Variants in VEGFA observed in about 807,000 individuals in gnomAD.
VEGFA encodes the protein vascular endothelial growth factor A.
In VEGFA, 20 loss-of-function variants were observed where a neutral mutation model predicts 49.7. The observed-to-expected ratio is 0.40, with a 90% CI of 0.28 to 0.58. The LOEUF (loss-of-function observed/expected upper bound fraction) is 0.58. Ranked by LOEUF, VEGFA falls within the 20% of genes least tolerant of loss-of-function variation. The pLI is 0.40. For missense variants in VEGFA, 505 were observed against 553.5 expected, an observed-to-expected ratio of 0.91 and a Z score of 0.88; for synonymous variants, 219 against 223.4, an observed-to-expected ratio of 0.98 and a Z score of 0.18.
rs568779287 is a variant in VEGFA, at chr6:43,777,434, C to G, written c.659-35C>G. On this transcript the variant is annotated intron_variant, in intron 2 of 7. Coordinates refer to ENST00000672860, the MANE Select transcript of VEGFA (RefSeq NM_003376.6). The surrounding 1 kb of genome is among the most constrained non-coding windows in gnomAD (Gnocchi z 4.3). ...GAGGGGCTAGCCATCTTTTGTGTCG[C>G]CCACCGGGCTCATGTGTCATCGCCT... 118 of 1,612,174 alleles carry G rather than the reference C, an allele frequency of 7.3e-5. 2 individuals carry two copies. The South Asian group carries it at 1.3e-3, about 17-fold the overall frequency.
chr6:43,782,211 C>T (rs1230119480), intron 7 of VEGFA, 124 bp downstream of exon 7: 4 of 1,391,018 alleles, frequency 2.9e-6, no homozygotes, highest in Non-Finnish European at 3.9e-6. Context: ...GCTGCTTGCT[C>T]AGTTTCTAGC....
In VEGFA at chr6:43,785,976, T is replaced by C. The variant is rs936146834; in HGVS notation, c.*1414T>C. ...AAAATTCATGTTTCCAATCTCTCTC[T>C]CCCTGATCGGTGACAGTCACTAGCT... On this transcript the variant is annotated 3_prime_UTR_variant, in exon 8 of 8. Transcript: ENST00000672860. The C allele has an allele frequency of 5.5e-6, 1 of 181,074 alleles. No individual in the cohort carries two copies. The highest frequency in any genetic ancestry group is 1.2e-5 in the Non-Finnish European group (1 of 85,030). 11.2% of individuals were successfully genotyped at this position (181,074 alleles called of 1,614,324 possible).
At chr6:43,781,282 G>A (rs1289518479) in intron 6 of VEGFA, 3 of 310,820 alleles carry the variant, frequency 9.7e-6, no homozygotes, top group Admixed American at 9.4e-5. Flanking sequence ...GCTTGGGTGG[G>A]ATCAGACACC....
In VEGFA at chr6:43,770,389, CA is replaced by C. The variant is rs911281087; in HGVS notation, c.-317del. 1.9e-5 allele frequency: 7 copies of C among 372,314 alleles called. No homozygotes were observed. In the Admixed American group the frequency reaches 1.9e-4, roughly 10 times the overall value. 23.1% of individuals were successfully genotyped at this position (372,314 alleles called of 1,614,324 possible). A position where few individuals can be genotyped will look rare whatever the true frequency, so the allele number is the denominator to read the frequency against. On this transcript the variant is annotated 5_prime_UTR_variant, in exon 1 of 8. Coordinates refer to ENST00000672860, the MANE Select transcript of VEGFA (RefSeq NM_003376.6). ...TTTATCCCTCTTCTTTTTTCTTAAACATTTTTTTTTAAAACTGTATTGTTTC... is the reference window on the plus strand; with the variant it reads ...TTTATCCCTCTTCTTTTTTCTTAAACTTTTTTTTTAAAACTGTATTGTTTC...
At chr6:43,781,850 G>C (rs1767889767) in intron 6 of VEGFA, 106 bp from the exon 7 acceptor site, 2 of 1,474,882 alleles carry the variant, frequency 1.4e-6, no homozygotes, top group Non-Finnish European at 1.9e-6. Flanking sequence ...GACCGGCTGG[G>C]TGGGGGTGCA....
chr6:43,781,058 C>G (rs3025018), intron 6 of VEGFA: 59,100 of 848,848 alleles, frequency 0.07, 2,512 homozygotes, highest in East Asian at 0.084. Flanking sequence ...GGGAGGGGAC[C>G]CTGGCTTGGC....
chr6:43,771,085 G>T lies in VEGFA; in HGVS notation c.379G>T (p.Ala127Ser). ...ATGGACGGGTGAGGCGGCGGTGTGCGCAGACAGTGCTCCAGCCGCGCGCGC... is the reference window on the plus strand; with the variant it reads ...ATGGACGGGTGAGGCGGCGGTGTGCTCAGACAGTGCTCCAGCCGCGCGCGC... Residue 127 changes from alanine to serine, a missense_variant, in exon 1 of 8, where the codon GCA becomes TCA. Transcript: ENST00000672860. 2 of 1,486,984 alleles carry T rather than the reference G, an allele frequency of 1.3e-6. No individual in the cohort carries two copies. Among genetic ancestry groups the T allele is most frequent in the Non-Finnish European group, 1.8e-6 (2 of 1,120,560 alleles). 92.1% of individuals were successfully genotyped at this position (1,486,984 alleles called of 1,614,324 possible).
intron 7 of VEGFA, chr6:43,783,751 C>T (rs1194042369): frequency 6.6e-6 from 1 of 152,446 alleles, no homozygotes; most frequent in African/African-American, 2.4e-5. Flanking sequence ...TCACAATCAC[C>T]CAGGGGCAGG....
intron 2 of VEGFA, chr6:43,775,828 C>T (rs1765222769): frequency 6.6e-6 from 1 of 152,216 alleles, no homozygotes; most frequent in South Asian, 2.1e-4. Flanking sequence ...ATAGAGACCT[C>T]ACAGGAAGCA....
At chr6:43,776,418 A>C (rs1162425425) in intron 2 of VEGFA, 1 of 152,182 alleles carries the variant, frequency 6.6e-6, no homozygotes, top group Non-Finnish European at 1.5e-5. Context: ...AGAGTCCTGC[A>C]TTTATTTATT....
At position 43,777,791 on chromosome 6, in the gene VEGFA, G is replaced by A; in HGVS notation, c.855+126G>A. ...CTGGCTCCTGCCCCTGAGTTGCACA[G>A]GGGAGGTATGGTGGGGTCTTGCCTT... On this transcript the variant is annotated intron_variant, in intron 3 of 7. Transcript: ENST00000672860. The surrounding 1 kb of genome is among the most constrained non-coding windows in gnomAD (Gnocchi z 4.3). The A allele has an allele frequency of 9.7e-7, 1 of 1,027,472 alleles. No homozygotes were observed. The highest frequency in any genetic ancestry group is 1.4e-6 in the Non-Finnish European group (1 of 707,740). The allele number at this position is 1,027,472 out of a possible 1,614,324, so 63.6% of individuals were successfully genotyped here.
At chr6:43,784,516 A>G (rs1769103859) in intron 7 of VEGFA, 25 bp from the exon 8 acceptor site, 1 of 1,613,690 alleles carries the variant, frequency 6.2e-7, no homozygotes. Flanking sequence ...CCCTAACCCC[A>G]GCCTTTGTTT....
rs762001063 is a variant in VEGFA at position 43,784,613 on chromosome 6, C to T, written c.*51C>T. 6.8e-6 allele frequency: 11 copies of T among 1,614,074 alleles called. No individual in the cohort carries two copies. In the Admixed American group the frequency reaches 1.8e-4, roughly 27 times the overall value. ...TCAGGGTTTCGGGAACCAGATCTCT[C>T]ACCAGGAAAGACTGATACAGAACGA... On this transcript the variant is annotated 3_prime_UTR_variant, in exon 8 of 8. Transcript: ENST00000672860.
In VEGFA at chr6:43,774,580, T is replaced by C. The variant is rs188789444; in HGVS notation, c.658+188T>C. 6.9e-5 allele frequency: 47 copies of C among 682,804 alleles called. No individual in the cohort carries two copies. The East Asian group carries it at 1.3e-3, about 18-fold the overall frequency. 42.3% of individuals were successfully genotyped at this position (682,804 alleles called of 1,614,324 possible). Reference sequence around the variant, plus strand: ...TCGTGAGGACTCTCCGCTGTTCAGGTCTCTGCTAGAAGTAGGACTTGTTGC... The same window carrying C: ...TCGTGAGGACTCTCCGCTGTTCAGGCCTCTGCTAGAAGTAGGACTTGTTGC... On this transcript the variant is annotated intron_variant, in intron 2 of 7. Transcript: ENST00000672860.
At position 43,777,557 on chromosome 6, in the gene VEGFA, C is replaced by T. The variant is rs747049684; in HGVS notation, c.747C>T (p.Ile249=). 1.7e-5 allele frequency: 27 copies of T among 1,614,052 alleles called. No homozygotes were observed. The highest frequency in any genetic ancestry group is 1.6e-4 in the Middle Eastern group (1 of 6,082). Reference sequence around the variant, plus strand: ...TCTTCCAGGAGTACCCTGATGAGATCGAGTACATCTTCAAGCCATCCTGTG... The same window carrying T: ...TCTTCCAGGAGTACCCTGATGAGATTGAGTACATCTTCAAGCCATCCTGTG... Residue 249 remains isoleucine, a synonymous_variant, in exon 3 of 8, where the codon ATC becomes ATT. Transcript: ENST00000672860. The surrounding 1 kb of genome is among the most constrained non-coding windows in gnomAD (Gnocchi z 4.3).
intron 6 of VEGFA, 195 bp downstream of exon 6, chr6:43,780,998 T>A: frequency 7.1e-7 from 1 of 1,403,830 alleles, no homozygotes; most frequent in South Asian, 1.2e-5. Flanking sequence ...GTGGCATTGC[T>A]GGTCCAGGGT....
intron 5 of VEGFA, chr6:43,780,505 G>A (rs1767145285): frequency 1.7e-6 from 1 of 597,520 alleles, no homozygotes; most frequent in African/African-American, 1.9e-5. Context: ...ATCCCATGGT[G>A]GGCAGCGTGA....
chr6:43,778,809 A>G (rs1766331015), intron 4 of VEGFA, 80 bp from the exon 5 acceptor site: 1 of 1,478,118 alleles, frequency 6.8e-7, no homozygotes, highest in Admixed American at 1.7e-5. Context: ...TGTGATTATT[A>G]TTGTTGTTAT....
intron 5 of VEGFA, 178 bp downstream of exon 5, chr6:43,779,096 G>A: frequency 1.3e-6 from 1 of 753,964 alleles, no homozygotes; most frequent in Non-Finnish European, 2.3e-6. Context: ...GATGGCTCTA[G>A]GGCTAGTGAG....
Sources: allele counts gnomAD v4.1 joint callset, GRCh38; gene constraint gnomAD v4.1.1; non-coding constraint Gnocchi (gnomAD v3.1); transcripts MANE v1.5; gene names NCBI Gene and HGNC (gene_info 2026-07-23, HGNC 2026-07-21).